Variants in NFATC2 observed in about 807,000 individuals in gnomAD.
NFATC2 encodes the protein nuclear factor of activated T cells 2.
Under a neutral mutation model 87.3 loss-of-function variants are expected in NFATC2, and 22 were observed. The ratio of observed to expected loss-of-function variants is 0.25; its 90% CI spans 0.18 to 0.36. The LOEUF (loss-of-function observed/expected upper bound fraction) is 0.36, where lower values mean the gene tolerates loss of function less well. NFATC2 is among the 10% of genes least tolerant of loss of function. The pLI is 1.00. For synonymous variants in NFATC2, 565 were observed against 542.2 expected (o/e 1.04, Z -0.58); for missense variants, 1,149 against 1,259.1 (o/e 0.91, Z 1.32).
chr20:51,422,331 AAT>A (rs1981057062), intron 9 of NFATC2, among the ~76,000 whole-genome samples: 1 of 152,164 alleles, frequency 6.6e-6, no homozygotes, highest in Non-Finnish European at 1.5e-5. Context: ...AGAGCAGCAG[AAT>A]TTGTTGCTGA....
At position 51,542,457 on chromosome 20, in the gene NFATC2, C is replaced by G. The variant is rs756633125; in HGVS notation, c.43G>C (p.Ala15Pro). The stretch of plus-strand genomic sequence containing the variant: ...CTGCCCCCAGGCTCGTGGCCTGGGG[C>G]GTCCCCGCCGTCGGGTTGGGGCTGC... ...ERQPQPDGGD[A>P]PGHEPGGSPQ... is the part of the protein sequence containing the mutation. Residue 15 changes from alanine to proline, a missense_variant, in exon 1 of 11, where the codon GCC becomes CCC. Physicochemically the swap from Ala to Pro is conservative, Grantham distance 27. Coordinates refer to ENST00000371564, the MANE Select transcript of NFATC2 (RefSeq NM_012340.5). 1.2e-5 allele frequency: 19 copies of G among 1,570,400 alleles called. No individual in the cohort carries two copies. Among genetic ancestry groups the G allele is most frequent in the Non-Finnish European group, 6.0e-6 (7 of 1,162,540 alleles).
rs111986369 is a variant in NFATC2 at position 51,529,358 on chromosome 20, G to C, written c.131-5248C>G. The stretch of plus-strand genomic sequence containing the variant: ...TTGGTTTTCATTAATCCAAGCGGCA[G>C]TTTTTTTTTTTTCCTCTTGACAAGA... On this transcript the variant is annotated intron_variant, in intron 1 of 10. Transcript: ENST00000371564. Among the ~76,000 whole-genome samples, 545 of 149,268 alleles carry C rather than the reference G, an allele frequency of 3.7e-3. 3 individuals are homozygous for C. Among genetic ancestry groups the C allele is most frequent in the Non-Finnish European group, 5.7e-3 (382 of 67,284 alleles).
intron 9 of NFATC2, chr20:51,399,220 A>C (rs1987705592): frequency 6.5e-6 from 1 of 153,334 alleles, no homozygotes; most frequent in African/African-American, 2.4e-5. Flanking sequence ...AAAACTGCAC[A>C]TTTTCTTCCT....
At chr20:51,472,470 T>C (rs974397687) in intron 5 of NFATC2, among the ~76,000 whole-genome samples, 1 of 151,846 alleles carries the variant, frequency 6.6e-6, no homozygotes, top group African/African-American at 2.4e-5. Context: ...CTAGTTATGG[T>C]AAAATGTCCA....
At chr20:51,422,229 A>C (rs2146304701) in intron 9 of NFATC2, among the ~76,000 whole-genome samples, 1 of 152,348 alleles carries the variant, frequency 6.6e-6, no homozygotes, top group East Asian at 1.9e-4. Flanking sequence ...GGCTCATCAT[A>C]AAATGACCAG....
intron 1 of NFATC2, among the ~76,000 whole-genome samples, chr20:51,532,901 C>T (rs2076658659): frequency 6.6e-6 from 1 of 152,214 alleles, no homozygotes; most frequent in Admixed American, 6.5e-5. Context: ...AAGAGAGAAG[C>T]AGGGCCTGGC....
intron 6 of NFATC2, among the ~76,000 whole-genome samples, chr20:51,436,018 G>A (rs181907750): frequency 6.1e-4 from 93 of 152,148 alleles, no homozygotes; most frequent in African/African-American, 2.0e-3. Flanking sequence ...AAAACTCAAC[G>A]CCACATGTTC....
chr20:51,472,703 T>A (rs1461144080), intron 5 of NFATC2, among the ~76,000 whole-genome samples: 3 of 144,110 alleles, frequency 2.1e-5, no homozygotes, highest in Non-Finnish European at 4.5e-5. Flanking sequence ...TGGTGCGATC[T>A]CAGCTCATCG....
intron 9 of NFATC2, among the ~76,000 whole-genome samples, chr20:51,401,125 G>T (rs2426297): frequency 0.91 from 138,454 of 152,192 alleles, 63,041 homozygotes; most frequent in East Asian, 0.95. Context: ...ATCCCAGAAC[G>T]TTGGGAGGCC....
intron 3 of NFATC2, among the ~76,000 whole-genome samples, chr20:51,510,147 G>C (rs956205998): frequency 2.6e-5 from 4 of 152,174 alleles, no homozygotes; most frequent in African/African-American, 9.7e-5. Flanking sequence ...CATTAAACAT[G>C]CATCCCAGAG....
intron 3 of NFATC2, among the ~76,000 whole-genome samples, chr20:51,494,667 C>A (rs1388264994): frequency 6.6e-6 from 1 of 152,188 alleles, no homozygotes. Flanking sequence ...CATCTCACAG[C>A]ATGGGAGAGG....
chr20:51,460,201 C>T (rs1270799148), intron 5 of NFATC2, among the ~76,000 whole-genome samples: 1 of 152,200 alleles, frequency 6.6e-6, no homozygotes, highest in East Asian at 1.9e-4. Flanking sequence ...AGCCCTACAG[C>T]AAGGAAGACA....
intron 9 of NFATC2, among the ~76,000 whole-genome samples, chr20:51,413,004 C>CT (rs1187214150): frequency 7.2e-6 from 1 of 138,008 alleles, no homozygotes; most frequent in African/African-American, 2.7e-5. Context: ...CCGCCCCCCC[C>CT]CCTCCCCGCC....
intron 9 of NFATC2, among the ~76,000 whole-genome samples, chr20:51,407,844 C>T (rs967806649): frequency 1.3e-5 from 2 of 152,232 alleles, no homozygotes; most frequent in African/African-American, 2.4e-5. Flanking sequence ...ATTGTTTCTT[C>T]GTTTGTGAAT....
intron 1 of NFATC2, among the ~76,000 whole-genome samples, chr20:51,556,043 T>C (rs1041074204): frequency 2.6e-5 from 4 of 152,174 alleles, no homozygotes; most frequent in Admixed American, 2.6e-4. Flanking sequence ...GCTGTCCCCG[T>C]GAGAAGAGGA....
At chr20:51,554,082 G>T (rs2076957501) in intron 1 of NFATC2, among the ~76,000 whole-genome samples, 1 of 152,072 alleles carries the variant, frequency 6.6e-6, no homozygotes, top group Non-Finnish European at 1.5e-5. Context: ...GGCTGACTCA[G>T]AGGTACCCGT....
intron 4 of NFATC2, 114 bp from the exon 5 acceptor site, chr20:51,474,266 A>C: frequency 7.9e-7 from 1 of 1,263,016 alleles, no homozygotes; most frequent in Non-Finnish European, 1.1e-6. Flanking sequence ...ATACACTCAC[A>C]TAAGCATTTC....
intron 8 of NFATC2, among the ~76,000 whole-genome samples, chr20:51,434,046 T>A (rs1377151327): frequency 1.3e-5 from 2 of 152,058 alleles, no homozygotes; most frequent in Non-Finnish European, 2.9e-5. Context: ...TGAGCTGCAG[T>A]CTAGAGCCCC....
In NFATC2 at chr20:51,523,649, G is replaced by T; in HGVS notation, c.592C>A (p.Pro198Thr). The T allele has an allele frequency of 6.2e-7, 1 of 1,612,770 alleles. No individual in the cohort carries two copies. The highest frequency in any genetic ancestry group is 8.5e-7 in the Non-Finnish European group (1 of 1,179,664). The change falls in exon 2 of 11, where the codon CCC becomes ACC. Residue 198 changes from proline (P) to threonine (T), a missense_variant. Around this residue, in one of 3 missense-constraint regions of NFATC2, gnomAD observed 563 missense variants for 585.2 expected, o/e 0.96. Transcript: ENST00000371564. The surrounding 1 kb of genome is among the most constrained non-coding windows in gnomAD (Gnocchi z 6.9). Reference sequence around the variant, plus strand: ...TGAAACTGCGGACACAGGTCGTCGGGCCCGCCGTTATTGGGCGAGACGCAG... The same window carrying T: ...TGAAACTGCGGACACAGGTCGTCGGTCCCGCCGTTATTGGGCGAGACGCAG... ...SPCVSPNNGGPDDLCPQFQNI... is the reference protein window; with the variant it reads ...SPCVSPNNGGTDDLCPQFQNI...
Sources: gnomAD v4.1 joint callset for allele counts (sites outside exome capture counted in the v4.1 genomes callset) on GRCh38, gnomAD v4.1.1 for gene constraint, gnomAD v4.1.1 regional missense constraint, Gnocchi (gnomAD v3.1) non-coding constraint, MANE v1.5 for transcripts, NCBI Gene and HGNC (gene_info 2026-07-23, HGNC 2026-07-21) for gene names.